The following GRXCR1 variants were observed in gnomAD, a reference collection of about 807,000 sequenced individuals.
GRXCR1 encodes glutaredoxin domain-containing cysteine-rich protein 1.
Under a neutral mutation model 27.3 loss-of-function variants are expected in GRXCR1, and 27 were observed. The ratio of observed to expected loss-of-function variants is 0.99; its 90% confidence interval spans 0.73 to 1.37. GRXCR1 has a LOEUF of 1.37. Among genes scored for constraint, GRXCR1 ranks in the 40% most tolerant of loss-of-function variants. GRXCR1 has a pLI of 0.00. For synonymous variants in GRXCR1, 122 were observed against 131.1 expected, an observed-to-expected ratio of 0.93 and a Z score of 0.47; for missense variants, 379 against 354.4, an observed-to-expected ratio of 1.07 and a Z score of -0.56.
intron 3 of GRXCR1, among the ~76,000 whole-genome samples, chr4:43,024,197 C>CTTTTTTTTT (rs60704333): frequency 0.031 from 2,904 of 93,780 alleles, 118 homozygotes; most frequent in African/African-American, 0.06. Flanking sequence ...ATTTTCTGTC[C>CTTTTTTTTT]TTTTTTTTTT....
At chr4:42,970,444 C>T (rs1181973583) in intron 2 of GRXCR1, among the ~76,000 whole-genome samples, 1 of 152,168 alleles carries the variant, frequency 6.6e-6, no homozygotes, top group African/African-American at 2.4e-5. Context: ...CTTATATCCT[C>T]TGAAATCTAA....
At chr4:42,965,216 G>A (rs1338441884) in intron 2 of GRXCR1, among the ~76,000 whole-genome samples, 1 of 151,952 alleles carries the variant, frequency 6.6e-6, no homozygotes, top group Admixed American at 6.6e-5. Context: ...GCTTTTTTCT[G>A]TGATCACTTT....
chr4:42,898,468 C>T (rs1746397985), intron 1 of GRXCR1, among the ~76,000 whole-genome samples: 2 of 151,932 alleles, frequency 1.3e-5, no homozygotes, highest in African/African-American at 4.8e-5. Context: ...GTTAACACAC[C>T]TTTCCAGCAG....
At chr4:43,026,504 T>A (rs908002002) in intron 3 of GRXCR1, among the ~76,000 whole-genome samples, 12 of 145,554 alleles carry the variant, frequency 8.2e-5, no homozygotes, top group African/African-American at 3.4e-4. Flanking sequence ...GAGGGGTCAC[T>A]GGGGAGCTTT....
intron 2 of GRXCR1, among the ~76,000 whole-genome samples, chr4:42,975,163 T>C (rs1024255781): frequency 2.6e-5 from 4 of 152,140 alleles, no homozygotes; most frequent in Non-Finnish European, 4.4e-5. Flanking sequence ...CATAAAAACC[T>C]TTTGAGCATT....
At chr4:42,960,413 C>A (rs1748105251) in intron 1 of GRXCR1, among the ~76,000 whole-genome samples, 1 of 151,868 alleles carries the variant, frequency 6.6e-6, no homozygotes, top group South Asian at 2.1e-4. Flanking sequence ...TTGCTGATAC[C>A]TGTTAATATG....
chr4:42,912,039 C>T (rs1746732282), intron 1 of GRXCR1, among the ~76,000 whole-genome samples: 2 of 152,110 alleles, frequency 1.3e-5, no homozygotes, highest in Non-Finnish European at 1.5e-5. Context: ...CAAGAGCAAA[C>T]AAAGATAGGG....
At chr4:43,027,518 A>C (rs1041389493) in intron 3 of GRXCR1, among the ~76,000 whole-genome samples, 4 of 152,208 alleles carry the variant, frequency 2.6e-5, no homozygotes, top group African/African-American at 9.7e-5. Context: ...ATGTAAAATA[A>C]TTTTTAATTG....
At chr4:42,897,944 ATTATTATTATTATTC>A (rs1215566482) in intron 1 of GRXCR1, among the ~76,000 whole-genome samples, 3,060 of 44,354 alleles carry the variant, frequency 0.069, 63 homozygotes, top group African/African-American at 0.088. Flanking sequence ...TATTATTATT[ATTATTATTATTATTC>A]TTATTATGTC....
intron 1 of GRXCR1, among the ~76,000 whole-genome samples, chr4:42,921,623 G>C (rs1454102655): frequency 6.6e-6 from 1 of 151,812 alleles, no homozygotes; most frequent in African/African-American, 2.4e-5. Flanking sequence ...GTGTGAATTT[G>C]GTGAGATTTA....
chr4:42,922,270 T>G (rs1868791), intron 1 of GRXCR1, among the ~76,000 whole-genome samples: 29,956 of 152,044 alleles, frequency 0.2, 3,665 homozygotes, highest in Admixed American at 0.29. Context: ...TCCTGGTCTG[T>G]CTGTGGCCCA....
At chr4:42,934,052 C>T (rs1415993844) in intron 1 of GRXCR1, among the ~76,000 whole-genome samples, 2 of 151,820 alleles carry the variant, frequency 1.3e-5, no homozygotes, top group Non-Finnish European at 2.9e-5. Flanking sequence ...ATTATTAGTA[C>T]TATTTTAAAT....
rs574341475 is a variant in GRXCR1 at position 42,922,437 on chromosome 4, G to A, written c.384+28787G>A. 4.6e-5 allele frequency among the ~76,000 whole-genome samples: 7 copies of A among 152,270 alleles called. No individual in the cohort carries two copies. The South Asian group carries it at 1.5e-3, about 32-fold the overall frequency. ...CCCTTGGCCACTCTTTGAATCTGAA[G>A]TTTGTGCTTTGCAAGATAATGGGCT... On this transcript the variant is annotated intron_variant, in intron 1 of 3. Transcript: ENST00000399770.
rs183713157 is a variant in GRXCR1, at chr4:42,957,946, A to G, written c.385-4946A>G. Among the ~76,000 whole-genome samples the G allele has an allele frequency of 1.0e-3, 158 of 151,888 alleles. 1 individual carries two copies. The highest frequency in any genetic ancestry group is 2.7e-3 in the African/African-American group (111 of 41,472). On this transcript the variant is annotated intron_variant, in intron 1 of 3. Coordinates refer to ENST00000399770, the MANE Select transcript of GRXCR1 (RefSeq NM_001080476.3). ...GGTAACTTATTTAATTCATTTGATG[A>G]TATGTTTTCCTGGATGCTTTTAATG...
chr4:42,921,859 G>A (rs925683280), intron 1 of GRXCR1, among the ~76,000 whole-genome samples: 3 of 152,058 alleles, frequency 2.0e-5, no homozygotes, highest in Admixed American at 6.6e-5. Context: ...CCTACTCCTG[G>A]AACATGCTGC....
rs776474443 is a variant in GRXCR1 at position 42,962,910 on chromosome 4, G to C, written c.403G>C (p.Glu135Gln). 1.4e-5 allele frequency: 23 copies of C among 1,612,604 alleles called. No individual in the cohort carries two copies. In the South Asian group the frequency reaches 2.2e-4, roughly 15 times the overall value. ...KVLQQPSTDL[E>Q]FDRVVIYTTC... ...CCTTCAGCAACCATCAACTGATCTA[G>C]AATTTGACCGTGTAGTGATTTATAC... is the stretch of plus-strand genomic sequence containing the variant. Residue 135 changes from glutamate to glutamine, a missense_variant, in exon 2 of 4, where the codon GAA (glutamate) becomes CAA (glutamine). Physicochemically the swap from Glu to Gln is conservative, Grantham distance 29. Transcript: ENST00000399770.
Position 42,976,900 on chromosome 4 carries a change from A to C in GRXCR1, c.627+13766A>C, listed in dbSNP as rs149208241. ...CTAGTCCTCCAATAGACTGGATGCA[A>C]TAGATCTCTTGTACTTATTCCTTCT... is the stretch of plus-strand genomic sequence containing the variant. On this transcript the variant is annotated intron_variant, in intron 2 of 3. Transcript: ENST00000399770. 2.2e-3 allele frequency among the ~76,000 whole-genome samples: 334 copies of C among 152,132 alleles called. 1 individual carries two copies. Among genetic ancestry groups the C allele is most frequent in the African/African-American group, 7.3e-3 (303 of 41,550 alleles).
intron 1 of GRXCR1, among the ~76,000 whole-genome samples, chr4:42,952,028 G>A (rs1218662986): frequency 6.6e-6 from 1 of 152,168 alleles, no homozygotes; most frequent in Non-Finnish European, 1.5e-5. Context: ...AAAACACTCT[G>A]AAGAAATCTT....
At chr4:42,934,549 G>T (rs1050436339) in intron 1 of GRXCR1, among the ~76,000 whole-genome samples, 3 of 151,842 alleles carry the variant, frequency 2.0e-5, no homozygotes, top group African/African-American at 7.3e-5. Flanking sequence ...CATAAAGGAA[G>T]AAATTCTTTT....
Sources: gnomAD v4.1 joint callset for allele counts (sites outside exome capture counted in the v4.1 genomes callset) on GRCh38, gnomAD v4.1.1 for gene constraint, MANE v1.5 for transcripts, NCBI Gene and HGNC (gene_info 2026-07-23, HGNC 2026-07-21) for gene names.